Variants in CPA6 observed in about 807,000 individuals in gnomAD.
The protein encoded by CPA6 is carboxypeptidase B.
In CPA6, 58 loss-of-function variants were observed where a neutral mutation model predicts 63.3. The observed-to-expected ratio is 0.92, with a 90% CI of 0.74 to 1.14. The LOEUF is 1.14. Ranked by LOEUF, CPA6 falls within the 50% of genes most tolerant of loss-of-function variation. The probability of loss-of-function intolerance (pLI) is 0.00; values close to 1 mark genes in which losing one functional copy is unlikely to be tolerated. For synonymous variants in CPA6, 185 were observed against 179.0 expected, an observed-to-expected ratio of 1.03 and a Z score of -0.27; for missense variants, 565 against 526.6, an observed-to-expected ratio of 1.07 and a Z score of -0.71.
At chr8:67,541,674 G>A (rs956164662) in intron 2 of CPA6, among the ~76,000 whole-genome samples, 9 of 152,118 alleles carry the variant, frequency 5.9e-5, no homozygotes, top group African/African-American at 1.9e-4. Flanking sequence ...TCTTTAACTC[G>A]GTGTCTGAGG....
At chr8:67,723,184 TTTG>T (rs1431958624) in intron 1 of CPA6, among the ~76,000 whole-genome samples, 1 of 152,210 alleles carries the variant, frequency 6.6e-6, no homozygotes, top group Non-Finnish European at 1.5e-5. Flanking sequence ...ACTGATGGAC[TTTG>T]TTTTCAGCTT....
intron 1 of CPA6, among the ~76,000 whole-genome samples, chr8:67,712,498 A>T (rs1817284194): frequency 6.6e-6 from 1 of 152,118 alleles, no homozygotes; most frequent in African/African-American, 2.4e-5. Context: ...ACAAGCAGCA[A>T]GATAAAGATC....
At chr8:67,690,830 G>A (rs534840697) in intron 1 of CPA6, among the ~76,000 whole-genome samples, 14 of 152,294 alleles carry the variant, frequency 9.2e-5, no homozygotes, top group Non-Finnish European at 1.9e-4. Context: ...ATATTCAAGT[G>A]TGGGATATAT....
rs541140151 is a variant in CPA6 at position 67,423,802 on chromosome 8, C to G, written c.1127-1111G>C. 3.9e-5 allele frequency among the ~76,000 whole-genome samples: 6 copies of G among 152,338 alleles called. No individual in the cohort carries two copies. In the East Asian group the frequency reaches 9.6e-4, roughly 24 times the overall value. On this transcript the variant is annotated intron_variant, in intron 10 of 10. Transcript: ENST00000297770. ...TCATCTTCATGTTACACTGTCCCCA[C>G]TACTCTAGATCAGGGGTCCCCAACC...
At chr8:67,530,188 G>A (rs1430488972) in intron 2 of CPA6, among the ~76,000 whole-genome samples, 3 of 146,358 alleles carry the variant, frequency 2.0e-5, no homozygotes, top group African/African-American at 7.8e-5. Flanking sequence ...ACATTTCCCA[G>A]AGAGTAGAAC....
chr8:67,626,542 A>G (rs939346614), intron 1 of CPA6, among the ~76,000 whole-genome samples: 1 of 152,256 alleles, frequency 6.6e-6, no homozygotes, highest in African/African-American at 2.4e-5. Flanking sequence ...GAAAGAATAA[A>G]AGAAAGTACC....
At position 67,546,567 on chromosome 8, in the gene CPA6, T is replaced by G. The variant is rs149734824; in HGVS notation, c.193-28520A>C. 7.4e-3 allele frequency among the ~76,000 whole-genome samples: 1,125 copies of G among 152,334 alleles called. 16 individuals are homozygous for G. The highest frequency in any genetic ancestry group is 0.026 in the African/African-American group (1,071 of 41,572). Reference sequence around the variant, plus strand: ...TGCTTTTGTTTCTTGTATACCACTGTTTCTAAACCTTAAGGTACATCAGGA... The same window carrying G: ...TGCTTTTGTTTCTTGTATACCACTGGTTCTAAACCTTAAGGTACATCAGGA... On this transcript the variant is annotated intron_variant, in intron 2 of 10. Coordinates refer to ENST00000297770, the MANE Select transcript of CPA6 (RefSeq NM_020361.5).
At chr8:67,464,522 G>A (rs1001816782) in intron 8 of CPA6, among the ~76,000 whole-genome samples, 4 of 152,016 alleles carry the variant, frequency 2.6e-5, no homozygotes, top group Admixed American at 2.0e-4. Context: ...TCTTTAATCA[G>A]GTCCCAATTG....
Position 67,652,147 on chromosome 8 carries a change from T to G in CPA6, c.117-27896A>C, listed in dbSNP as rs566883487. Among the ~76,000 whole-genome samples, 44 of 152,318 alleles carry G rather than the reference T, an allele frequency of 2.9e-4. No individual in the cohort carries two copies. The South Asian group carries it at 8.3e-3, about 29-fold the overall frequency. ...TTTTCTTAATTCAGTCTATCATTGTTGGACATTTAGGTTGGTTCCAAGTCT... is the reference window on the plus strand; with the variant it reads ...TTTTCTTAATTCAGTCTATCATTGTGGGACATTTAGGTTGGTTCCAAGTCT... On this transcript the variant is annotated intron_variant, in intron 1 of 10. Transcript: ENST00000297770.
chr8:67,647,557 C>T (rs1333936860), intron 1 of CPA6, among the ~76,000 whole-genome samples: 3 of 152,120 alleles, frequency 2.0e-5, no homozygotes, highest in Non-Finnish European at 4.4e-5. Flanking sequence ...CTTTGATATG[C>T]TGAACTGAAG....
chr8:67,687,171 T>C (rs1475464502), intron 1 of CPA6, among the ~76,000 whole-genome samples: 1 of 152,224 alleles, frequency 6.6e-6, no homozygotes, highest in Non-Finnish European at 1.5e-5. Flanking sequence ...AGCATTTTTC[T>C]CTCACAGAAG....
intron 1 of CPA6, among the ~76,000 whole-genome samples, chr8:67,642,317 C>CA (rs34398433): frequency 0.014 from 1,953 of 135,760 alleles, 34 homozygotes; most frequent in African/African-American, 0.039. Flanking sequence ...GACTCCATCT[C>CA]AAAAAAAAAA....
chr8:67,458,144 A>G (rs1810718179), intron 8 of CPA6, among the ~76,000 whole-genome samples: 1 of 152,118 alleles, frequency 6.6e-6, no homozygotes, highest in Admixed American at 6.5e-5. Context: ...AAACTCTAAA[A>G]CTCATAGAAA....
At chr8:67,703,136 C>T (rs757188242) in intron 1 of CPA6, among the ~76,000 whole-genome samples, 3 of 152,164 alleles carry the variant, frequency 2.0e-5, no homozygotes, top group Non-Finnish European at 4.4e-5. Flanking sequence ...ACCTCTATGC[C>T]TCTCCTCCTT....
intron 1 of CPA6, among the ~76,000 whole-genome samples, chr8:67,719,080 C>T (rs1222341197): frequency 2.0e-5 from 3 of 152,102 alleles, no homozygotes; most frequent in Non-Finnish European, 2.9e-5. Context: ...ATCAAGACAA[C>T]AAGCTAGGCT....
intron 1 of CPA6, among the ~76,000 whole-genome samples, chr8:67,721,724 T>A (rs559786642): frequency 2.6e-4 from 40 of 152,328 alleles, no homozygotes; most frequent in African/African-American, 9.4e-4. Flanking sequence ...CCCAGAAATT[T>A]TGCATGTTTG....
chr8:67,431,030 T>G (rs1810015857), intron 9 of CPA6, among the ~76,000 whole-genome samples: 1 of 151,946 alleles, frequency 6.6e-6, no homozygotes, highest in South Asian at 2.1e-4. Context: ...CCTGGCTAAT[T>G]TTTAAAAATA....
chr8:67,607,141 C>T (rs1814664071), intron 2 of CPA6, among the ~76,000 whole-genome samples: 1 of 80,134 alleles, frequency 1.2e-5, no homozygotes, highest in Non-Finnish European at 2.2e-5. Flanking sequence ...TCCTCCCCCT[C>T]CTCCCCCCCC....
intron 2 of CPA6, among the ~76,000 whole-genome samples, chr8:67,537,031 C>T (rs1381601472): frequency 6.6e-6 from 1 of 152,152 alleles, no homozygotes; most frequent in African/African-American, 2.4e-5. Flanking sequence ...AGACTTGCAT[C>T]CCAGGGATGA....
Sources: gnomAD v4.1 joint callset for allele counts (sites outside exome capture counted in the v4.1 genomes callset) on GRCh38, gnomAD v4.1.1 for gene constraint, MANE v1.5 for transcripts, NCBI Gene and HGNC (gene_info 2026-07-23, HGNC 2026-07-21) for gene names.